The following EPM2A variants were observed in gnomAD, a reference collection of about 807,000 sequenced individuals.
EPM2A encodes EPM2A glucan phosphatase, laforin.
Under a neutral mutation model 26.5 loss-of-function variants are expected in EPM2A, and 21 were observed. The ratio of observed to expected loss-of-function variants is 0.79; its 90% confidence interval spans 0.56 to 1.14. The LOEUF (loss-of-function observed/expected upper bound fraction) is 1.14. Ranked by LOEUF, EPM2A falls within the 50% of genes most tolerant of loss-of-function variation. EPM2A has a pLI of 0.00. For missense variants in EPM2A, 458 were observed against 440.8 expected (o/e 1.04, Z -0.35); for synonymous variants, 217 against 177.6 (o/e 1.22, Z -1.76).
intron 4 of EPM2A, among the ~76,000 whole-genome samples, chr6:145,441,037 C>T (rs1479780772): frequency 6.6e-6 from 1 of 152,240 alleles, no homozygotes; most frequent in Non-Finnish European, 1.5e-5. Context: ...TCTGCACTGC[C>T]CTAGCAGAGG....
chr6:145,475,614 A>T (rs74336003), intron 4 of EPM2A, among the ~76,000 whole-genome samples: 8 of 148,322 alleles, frequency 5.4e-5, no homozygotes, highest in Middle Eastern at 3.5e-3. Context: ...AAGTATCATT[A>T]AAAAAAAAAA....
intron 4 of EPM2A, among the ~76,000 whole-genome samples, chr6:145,397,972 C>A (rs1778428721): frequency 6.6e-6 from 1 of 152,138 alleles, no homozygotes; most frequent in Non-Finnish European, 1.5e-5. Flanking sequence ...TATTGGTTAT[C>A]ACATTTAGTG....
At chr6:145,542,116 AG>A (rs1459417416) in intron 2 of EPM2A, among the ~76,000 whole-genome samples, 1 of 152,226 alleles carries the variant, frequency 6.6e-6, no homozygotes, top group Non-Finnish European at 1.5e-5. Context: ...GAAAGTCAAA[AG>A]TCTATGTCTT....
intron 2 of EPM2A, among the ~76,000 whole-genome samples, chr6:145,603,569 A>T (rs1781444646): frequency 1.3e-5 from 2 of 152,208 alleles, no homozygotes; most frequent in Non-Finnish European, 2.9e-5. Context: ...GTGTTCAATA[A>T]ATGTTAACTG....
chr6:145,507,172 G>A (rs1779987959), intron 2 of EPM2A, among the ~76,000 whole-genome samples: 1 of 152,058 alleles, frequency 6.6e-6, no homozygotes, highest in Non-Finnish European at 1.5e-5. Flanking sequence ...TTTCACCTTG[G>A]TTATCTCAAT....
chr6:145,645,307 GTGT>G (rs201245338), intron 2 of EPM2A, among the ~76,000 whole-genome samples: 2,088 of 152,124 alleles, frequency 0.014, 42 homozygotes, highest in African/African-American at 0.047. Flanking sequence ...ATTTTCAAAA[GTGT>G]TGTTGTTGTT....
At chr6:145,521,508 A>C (rs1780201863) in intron 2 of EPM2A, among the ~76,000 whole-genome samples, 2 of 152,230 alleles carry the variant, frequency 1.3e-5, no homozygotes, top group South Asian at 4.1e-4. Flanking sequence ...AGGCACAGAT[A>C]ATAGGTGAAG....
chr6:145,589,871 A>G (rs548890703), intron 2 of EPM2A, among the ~76,000 whole-genome samples: 18 of 137,406 alleles, frequency 1.3e-4, no homozygotes, highest in East Asian at 4.3e-4. Context: ...CAGGAGGCCA[A>G]TGAAAAGTTC....
chr6:145,536,816 G>A (rs1349776195), intron 2 of EPM2A, among the ~76,000 whole-genome samples: 1 of 152,188 alleles, frequency 6.6e-6, no homozygotes, highest in Non-Finnish European at 1.5e-5. Flanking sequence ...TTTATTCAGA[G>A]CTTGCTATAG....
intron 4 of EPM2A, chr6:145,491,779 C>T: frequency 9.4e-6 from 5 of 533,420 alleles, no homozygotes; most frequent in South Asian, 7.0e-5. Context: ...CTGCTGCTTT[C>T]CATACATCAT....
chr6:145,541,365 C>T (rs930775946), intron 2 of EPM2A, among the ~76,000 whole-genome samples: 21 of 146,230 alleles, frequency 1.4e-4, no homozygotes, highest in Admixed American at 4.8e-4. Context: ...TATATATGAT[C>T]GGTGTTCTAT....
At chr6:145,696,807 G>GTT (rs1370511396) in intron 1 of EPM2A, among the ~76,000 whole-genome samples, 1 of 151,148 alleles carries the variant, frequency 6.6e-6, no homozygotes, top group South Asian at 2.1e-4. Context: ...GTGTGTGTGT[G>GTT]TGTGTGTGTG....
intron 2 of EPM2A, among the ~76,000 whole-genome samples, chr6:145,548,968 C>T (rs192451111): frequency 2.1e-4 from 32 of 152,194 alleles, no homozygotes; most frequent in African/African-American, 6.5e-4. Flanking sequence ...CATCTGAAGC[C>T]GTGTGTAGCT....
chr6:145,616,190 A>T (rs971165970), intron 2 of EPM2A, among the ~76,000 whole-genome samples: 2 of 152,208 alleles, frequency 1.3e-5, no homozygotes, highest in African/African-American at 4.8e-5. Context: ...TGTGCAGCCT[A>T]GAAATGTGAT....
At chr6:145,486,291 C>A (rs1011785820) in intron 4 of EPM2A, among the ~76,000 whole-genome samples, 2 of 152,152 alleles carry the variant, frequency 1.3e-5, no homozygotes, top group African/African-American at 4.8e-5. Flanking sequence ...ATACTCACCT[C>A]TAAACATTAT....
At chr6:145,679,011 C>G in intron 2 of EPM2A, among the ~76,000 whole-genome samples, 1 of 152,028 alleles carries the variant, frequency 6.6e-6, no homozygotes. Flanking sequence ...AAATGTCCAT[C>G]AATGATAGAC....
intron 2 of EPM2A, among the ~76,000 whole-genome samples, chr6:145,673,152 C>T (rs1779771058): frequency 6.6e-6 from 1 of 151,820 alleles, no homozygotes. Flanking sequence ...CAATTGTTTG[C>T]TGTCTCCCTA....
intron 4 of EPM2A, among the ~76,000 whole-genome samples, chr6:145,388,406 A>G (rs1033534321): frequency 6.6e-6 from 1 of 152,168 alleles, no homozygotes; most frequent in Non-Finnish European, 1.5e-5. Flanking sequence ...GTTACCAGGC[A>G]TGTGCACTAG....
At chr6:145,541,346 G>GTGTATATATATGTGTGTGTGTA (rs142787247) in intron 2 of EPM2A, among the ~76,000 whole-genome samples, 12 of 148,366 alleles carry the variant, frequency 8.1e-5, no homozygotes, top group Admixed American at 7.4e-4. Context: ...ATGTGTGTGT[G>GTGTATATATATGTGTGTGTGTA]TATATATATA....
Sources: gnomAD v4.1 joint callset for allele counts (sites outside exome capture counted in the v4.1 genomes callset) on GRCh38, gnomAD v4.1.1 for gene constraint, MANE v1.5 for transcripts, NCBI Gene and HGNC (gene_info 2026-07-23, HGNC 2026-07-21) for gene names.